SVOP: variants seen among roughly 807,000 people sequenced by gnomAD.
The protein encoded by SVOP is SV2 related protein.
In SVOP, 17 loss-of-function variants were observed where a neutral mutation model predicts 69.1. That is an observed-to-expected ratio of 0.25 (90% CI 0.17 to 0.37). The LOEUF (loss-of-function observed/expected upper bound fraction) is 0.37. Ranked by LOEUF, SVOP falls within the 10% of genes least tolerant of loss-of-function variation. The pLI is 1.00. For missense variants in SVOP, 435 were observed against 597.5 expected (o/e 0.73, Z 2.84); for synonymous variants, 238 against 238.6 (o/e 1.00, Z 0.02).
At chr12:108,967,129 T>C (rs1169396115) in intron 5 of SVOP, among the ~76,000 whole-genome samples, 1 of 152,192 alleles carries the variant, frequency 6.6e-6, no homozygotes, top group African/African-American at 2.4e-5. Context: ...CCAAGCAGTC[T>C]GGCCTCAAAA....
Position 109,020,984 on chromosome 12 carries a change from T to G in SVOP, c.-116A>C, listed in dbSNP as rs1053599411. 6.5e-6 allele frequency: 4 copies of G among 618,272 alleles called. No individual in the cohort carries two copies. Among genetic ancestry groups the G allele is most frequent in the African/African-American group, 1.9e-5 (1 of 53,314 alleles). The allele number at this position is 618,272 out of a possible 1,614,324, so 38.3% of individuals were successfully genotyped here. A position where few individuals can be genotyped will look rare whatever the true frequency, so the allele number is the denominator to read the frequency against. On this transcript the variant is annotated 5_prime_UTR_variant, in exon 1 of 16. Transcript: ENST00000610966. ...GACAGCACCCGCGCCGCTTCCTCCC[T>G]GGAGCAGCAGCTGTTCGGGGAGGGA... is the stretch of plus-strand genomic sequence containing the variant.
At position 108,907,992 on chromosome 12, in the gene SVOP, T is replaced by C. The variant is rs1192382024; in HGVS notation, c.*4543A>G. 1 of 152,260 alleles carries C rather than the reference T, an allele frequency of 6.6e-6. No homozygotes were observed. Among genetic ancestry groups the C allele is most frequent in the African/African-American group, 2.4e-5 (1 of 41,462 alleles). The allele number at this position is 152,260 out of a possible 1,614,324, so 9.4% of individuals were successfully genotyped here. ...CACCGTGTCTGTACCTCTCCACCAC[T>C]TCTTCCTGACCCAATTGAATTGGAC... On this transcript the variant is annotated 3_prime_UTR_variant, in exon 16 of 16. Coordinates refer to ENST00000610966, the MANE Select transcript of SVOP (RefSeq NM_018711.5).
intron 11 of SVOP, among the ~76,000 whole-genome samples, 159 bp from the exon 12 acceptor site, chr12:108,922,956 G>A (rs1001895743): frequency 8.5e-5 from 13 of 152,202 alleles, no homozygotes; most frequent in African/African-American, 1.2e-4. Flanking sequence ...ACACCAAGCC[G>A]CAGTGCTCCA....
intron 1 of SVOP, among the ~76,000 whole-genome samples, chr12:108,988,770 C>CTCTT (rs1281504928): frequency 2.0e-4 from 18 of 92,158 alleles, no homozygotes; most frequent in African/African-American, 4.3e-4. Flanking sequence ...TCTTTTCTCT[C>CTCTT]TTTTTTTTTT....
chr12:109,002,894 C>T (rs1255163333), intron 1 of SVOP, among the ~76,000 whole-genome samples: 1 of 150,414 alleles, frequency 6.6e-6, no homozygotes, highest in Admixed American at 6.7e-5. Context: ...ACCAGCATGG[C>T]ACATGTATAC....
chr12:108,956,568 A>G (rs1208405926), intron 6 of SVOP, among the ~76,000 whole-genome samples: 2 of 152,166 alleles, frequency 1.3e-5, no homozygotes, highest in Non-Finnish European at 2.9e-5. Context: ...ACTTAGGTAC[A>G]TACATTGGAC....
intron 6 of SVOP, among the ~76,000 whole-genome samples, chr12:108,957,354 G>GACA (rs2039991324): frequency 6.6e-6 from 1 of 152,054 alleles, no homozygotes; most frequent in African/African-American, 2.4e-5. Flanking sequence ...AGTAGAGACG[G>GACA]GATTTCACTG....
intron 5 of SVOP, among the ~76,000 whole-genome samples, chr12:108,962,957 T>C (rs2040025342): frequency 6.6e-6 from 1 of 151,882 alleles, no homozygotes; most frequent in South Asian, 2.1e-4. Flanking sequence ...AGAGTGAGAC[T>C]CTATCTCAAA....
At chr12:109,015,306 G>C (rs955014183) in intron 1 of SVOP, among the ~76,000 whole-genome samples, 1 of 152,162 alleles carries the variant, frequency 6.6e-6, no homozygotes, top group Non-Finnish European at 1.5e-5. Flanking sequence ...GCCAAGGAAG[G>C]ACATGATCTG....
chr12:108,988,770 C>CTTTTTTTTTTTTTTTTT (rs758822738), intron 1 of SVOP, among the ~76,000 whole-genome samples: 3 of 92,182 alleles, frequency 3.3e-5, no homozygotes, highest in Admixed American at 1.5e-4. Flanking sequence ...TCTTTTCTCT[C>CTTTTTTTTTTTTTTTTT]TTTTTTTTTT....
chr12:108,960,830 GC>G (rs2040013914), intron 6 of SVOP, 92 bp downstream of exon 6: 1 of 1,445,940 alleles, frequency 6.9e-7, no homozygotes, highest in Non-Finnish European at 9.2e-7. Context: ...CACCCCTGCT[GC>G]CCCATCTCAG....
At chr12:108,941,714 T>A (rs1478995065) in intron 7 of SVOP, among the ~76,000 whole-genome samples, 1 of 151,906 alleles carries the variant, frequency 6.6e-6, no homozygotes, top group South Asian at 2.1e-4. Context: ...CAGGCTGGAG[T>A]ATAGTGGCGC....
At chr12:108,955,862 A>T (rs2039982567) in intron 6 of SVOP, among the ~76,000 whole-genome samples, 1 of 152,176 alleles carries the variant, frequency 6.6e-6, no homozygotes, top group African/African-American at 2.4e-5. Context: ...TGAGGTGGGG[A>T]TGTTGTTGTT....
chr12:109,016,843 A>G (rs2040370375), intron 1 of SVOP, among the ~76,000 whole-genome samples: 1 of 151,746 alleles, frequency 6.6e-6, no homozygotes, highest in Non-Finnish European at 1.5e-5. Flanking sequence ...CCCAGGCTCA[A>G]GCAATCCTCC....
At position 108,979,035 on chromosome 12, in the gene SVOP, T is replaced by C. The variant is rs529782136; in HGVS notation, c.197-372A>G. Among the ~76,000 whole-genome samples the C allele has an allele frequency of 2.6e-5, 4 of 152,216 alleles. No individual in the cohort carries two copies. In the South Asian group the frequency reaches 6.2e-4, roughly 24 times the overall value. On this transcript the variant is annotated intron_variant, in intron 2 of 15. Transcript: ENST00000610966. ...ATTAATGTTTAAAAATAAAACAAGA[T>C]CGACAACAAGGTATTTAGCATGGTT... is the stretch of plus-strand genomic sequence containing the variant.
intron 1 of SVOP, among the ~76,000 whole-genome samples, chr12:109,005,952 A>G (rs1047800125): frequency 6.6e-6 from 1 of 152,222 alleles, no homozygotes; most frequent in African/African-American, 2.4e-5. Context: ...TTCAAGTAGC[A>G]GCAAGAGGGT....
At chr12:108,914,422 A>C (rs546007310) in intron 15 of SVOP, among the ~76,000 whole-genome samples, 1 of 152,194 alleles carries the variant, frequency 6.6e-6, no homozygotes, top group Non-Finnish European at 1.5e-5. Context: ...AAGCAAAAAG[A>C]CTTACTAAGA....
rs893064428 is a variant in SVOP at position 108,912,862 on chromosome 12, G to A, written c.1441-121C>T. 11 of 1,023,772 alleles carry A rather than the reference G, an allele frequency of 1.1e-5. No individual in the cohort carries two copies. In the African/African-American group the frequency reaches 1.8e-4, roughly 16 times the overall value. The allele number at this position is 1,023,772 out of a possible 1,614,324, so 63.4% of individuals were successfully genotyped here. A position where few individuals can be genotyped will look rare whatever the true frequency, so the allele number is the denominator to read the frequency against. ...GATATCTGCTTGCTAAAAAGGATCT[G>A]GTGATTCCCTCCTCTCCCCCTTTGT... On this transcript the variant is annotated intron_variant, in intron 15 of 15. Coordinates refer to ENST00000610966, the MANE Select transcript of SVOP (RefSeq NM_018711.5).
Position 108,912,640 on chromosome 12 carries a change from G to T in SVOP, c.1542C>A (p.Gly514=), listed in dbSNP as rs746251846. ...GGTGGCTGGACTCCTGCAGTCCTCGGCCTTTGGTCTCAATGGGCAAAAAGC... is the reference window on the plus strand; with the variant it reads ...GGTGGCTGGACTCCTGCAGTCCTCGTCCTTTGGTCTCAATGGGCAAAAAGC... ...ASCFLPIETK[G]RGLQESSHRE... Residue 514 remains glycine (G), a synonymous_variant, in exon 16 of 16, where the codon GGC becomes GGA. Transcript: ENST00000610966. 2.5e-6 allele frequency: 4 copies of T among 1,613,960 alleles called. No homozygotes were observed. The South Asian group carries it at 3.3e-5, about 13-fold the overall frequency.
Sources: gnomAD v4.1 joint callset for allele counts (sites outside exome capture counted in the v4.1 genomes callset) on GRCh38, gnomAD v4.1.1 for gene constraint, MANE v1.5 for transcripts, NCBI Gene and HGNC (gene_info 2026-07-23, HGNC 2026-07-21) for gene names.